XIAP: variants seen among roughly 807,000 people sequenced by gnomAD.
The protein encoded by XIAP is E3 ubiquitin-protein ligase XIAP.
Under a neutral mutation model 33.1 loss-of-function variants are expected in XIAP, and 3 were observed. The observed-to-expected ratio is 0.09, with a 90% CI of 0.04 to 0.23. The LOEUF (loss-of-function observed/expected upper bound fraction) is 0.23. XIAP is among the 10% of genes least tolerant of loss of function. The pLI is 1.00. For synonymous variants in XIAP, 98 were observed against 121.3 expected (o/e 0.81, Z 1.26); for missense variants, 264 against 363.0 (o/e 0.73, Z 2.22).
chrX:123,866,521 T>C (rs1311999026), intron 1 of XIAP, among the ~76,000 whole-genome samples: 2 of 88,446 alleles, frequency 2.3e-5, no homozygotes, highest in Admixed American at 2.7e-4. Context: ...ATATCATATA[T>C]AATATCAAAA....
At position 123,907,505 on chromosome X, in the gene XIAP, G is replaced by C; in HGVS notation, c.*324G>C. 3 of 382,756 alleles carry C rather than the reference G, an allele frequency of 7.8e-6. No individual in the cohort carries two copies. The highest frequency in any genetic ancestry group is 1.4e-5 in the Non-Finnish European group (3 of 210,606). 31.5% of individuals were successfully genotyped at this position (382,756 alleles called of 1,213,427 possible). On this transcript the variant is annotated 3_prime_UTR_variant, in exon 7 of 7. Coordinates refer to ENST00000371199, the MANE Select transcript of XIAP (RefSeq NM_001167.4). Reference sequence around the variant, plus strand: ...TAAGTGTAAGTGAATTAATCATCTGGATTTTTTATTCTTTTCAGATAGGCT... The same window carrying C: ...TAAGTGTAAGTGAATTAATCATCTGCATTTTTTATTCTTTTCAGATAGGCT...
Position 123,907,436 on chromosome X carries a change from A to G in XIAP, c.*255A>G, listed in dbSNP as rs773714281. 2.3e-6 allele frequency: 1 copy of G among 439,755 alleles called. No individual in the cohort carries two copies. Among genetic ancestry groups the G allele is most frequent in the African/African-American group, 2.4e-5 (1 of 41,407 alleles). The allele number at this position is 439,755 out of a possible 1,213,427, so 36.2% of individuals were successfully genotyped here. On this transcript the variant is annotated 3_prime_UTR_variant, in exon 7 of 7. Transcript: ENST00000371199. Reference sequence around the variant, plus strand: ...GACTAAGAATAAGAAGCATCATACTATAACTGAACACAATGTGTATTCATA... The same window carrying G: ...GACTAAGAATAAGAAGCATCATACTGTAACTGAACACAATGTGTATTCATA...
rs374298061 is a variant in XIAP, at chrX:123,886,161, T to C, written c.499T>C (p.Leu167=). The part of the protein sequence containing the change: ...NPAMYSEEAR[L]KSFQNWPDYA... ...TGCCATGTATAGTGAAGAAGCTAGA[T>C]TAAAGTCCTTTCAGAACTGGCCAGA... The change falls in exon 2 of 7, where the codon TTA becomes CTA. Residue 167 remains leucine, a synonymous_variant. Transcript: ENST00000371199. The C allele has an allele frequency of 5.4e-5, 65 of 1,210,088 alleles. No homozygotes were observed. Among genetic ancestry groups the C allele is most frequent in the Non-Finnish European group, 7.1e-5 (64 of 895,354 alleles).
rs1476371710 is a variant in XIAP, at chrX:123,913,631, G to A, written c.*6450G>A. The A allele has an allele frequency of 1.9e-5, 6 of 322,999 alleles. No homozygotes were observed. The highest frequency in any genetic ancestry group is 3.0e-5 in the Non-Finnish European group (5 of 168,486). 26.6% of individuals were successfully genotyped at this position (322,999 alleles called of 1,213,427 possible). A position where few individuals can be genotyped will look rare whatever the true frequency, so the allele number is the denominator to read the frequency against. On this transcript the variant is annotated 3_prime_UTR_variant, in exon 7 of 7. Coordinates refer to ENST00000371199, the MANE Select transcript of XIAP (RefSeq NM_001167.4). Reference sequence around the variant, plus strand: ...TGTAATATTTTAAATTACTATATATGTTACCATTTTTCTGGATTTAGTAAG... The same window carrying A: ...TGTAATATTTTAAATTACTATATATATTACCATTTTTCTGGATTTAGTAAG...
At chrX:123,884,966 A>G (rs958628893) in intron 1 of XIAP, among the ~76,000 whole-genome samples, 2 of 109,153 alleles carry the variant, frequency 1.8e-5, no homozygotes, top group African/African-American at 6.7e-5. Context: ...AGTAACAGCA[A>G]TTAAGGTTTG....
rs2053623574 is a variant in XIAP at position 123,913,305 on chromosome X, G to GTA, written c.*6125_*6126dup. On this transcript the variant is annotated 3_prime_UTR_variant, in exon 7 of 7. Transcript: ENST00000371199. ...TGGCCAACATGCTGAAACCCTGTCTGTACAAAAATACAAAAATAGCTGGGC... is the reference window on the plus strand; with the variant it reads ...TGGCCAACATGCTGAAACCCTGTCTGTATACAAAAATACAAAAATAGCTGGGC... 3.1e-6 allele frequency: 1 copy of GTA among 325,932 alleles called. No individual in the cohort carries two copies. Among genetic ancestry groups the GTA allele is most frequent in the Non-Finnish European group, 5.9e-6 (1 of 169,099 alleles). The allele number at this position is 325,932 out of a possible 1,213,427, so 26.9% of individuals were successfully genotyped here. A position where few individuals can be genotyped will look rare whatever the true frequency, so the allele number is the denominator to read the frequency against.
chrX:123,905,454 T>A (rs1410195191), intron 6 of XIAP, among the ~76,000 whole-genome samples: 2 of 111,699 alleles, frequency 1.8e-5, no homozygotes, highest in Non-Finnish European at 3.8e-5. Flanking sequence ...TTGTACCCAG[T>A]TTTAGGTATA....
intron 1 of XIAP, among the ~76,000 whole-genome samples, chrX:123,870,174 C>G (rs765873486): frequency 2.7e-5 from 3 of 112,697 alleles, no homozygotes; most frequent in African/African-American, 9.6e-5. Context: ...TTTGGCGAGG[C>G]TGGTCTCGAA....
chrX:123,872,331 G>A (rs1412893786), intron 1 of XIAP, among the ~76,000 whole-genome samples: 1 of 96,760 alleles, frequency 1.0e-5, no homozygotes, highest in Non-Finnish European at 2.1e-5. Context: ...TTTTTTTTTC[G>A]TCCTTTTTTT....
chrX:123,873,713 G>A (rs946010420), intron 1 of XIAP: 4 of 109,120 alleles, frequency 3.7e-5, no homozygotes, highest in Admixed American at 9.9e-5. Flanking sequence ...ATCACTTGAG[G>A]TGAGGAGTTT....
chrX:123,886,569 C>A (rs1224198936), intron 2 of XIAP, 30 bp downstream of exon 2: 3 of 1,195,386 alleles, frequency 2.5e-6, no homozygotes, highest in Non-Finnish European at 3.4e-6. Context: ...CAATAAATAG[C>A]TTCCCAAGTA....
intron 2 of XIAP, among the ~76,000 whole-genome samples, chrX:123,887,432 T>C (rs1484540627): frequency 8.9e-6 from 1 of 112,602 alleles, no homozygotes; most frequent in Admixed American, 9.5e-5. Flanking sequence ...TAAAAAGTTA[T>C]ACCATTATAT....
intron 6 of XIAP, among the ~76,000 whole-genome samples, chrX:123,905,075 T>C (rs780031018): frequency 8.9e-6 from 1 of 111,953 alleles, no homozygotes; most frequent in East Asian, 2.8e-4. Flanking sequence ...AAGAGGGTAC[T>C]TTTTAAGAAG....
intron 1 of XIAP, among the ~76,000 whole-genome samples, chrX:123,869,133 A>G (rs1185987383): frequency 1.8e-5 from 2 of 110,301 alleles, no homozygotes; most frequent in East Asian, 5.6e-4. Flanking sequence ...GGCTGCTGCC[A>G]TTGTGCATTC....
chrX:123,907,022 A>G lies in XIAP; in HGVS notation c.1335A>G (p.Gln445=), dbSNP rs1413466702. 1.7e-6 allele frequency: 2 copies of G among 1,210,324 alleles called. No homozygotes were observed. Among genetic ancestry groups the G allele is most frequent in the Non-Finnish European group, 2.2e-6 (2 of 895,300 alleles). Residue 445 remains glutamine (Q), a synonymous_variant, in exon 7 of 7, where the codon CAA becomes CAG. Coordinates refer to ENST00000371199, the MANE Select transcript of XIAP (RefSeq NM_001167.4). ...CTGAAGAGCAGCTAAGGCGCCTGCA[A>G]GAGGAGAAGCTTTGCAAAATCTGTA... The part of the protein sequence containing the change: ...ISTEEQLRRL[Q]EEKLCKICMD...
At chrX:123,895,920 C>A (rs1478830600) in intron 5 of XIAP, among the ~76,000 whole-genome samples, 6 of 110,193 alleles carry the variant, frequency 5.4e-5, no homozygotes, top group African/African-American at 2.0e-4. Flanking sequence ...CACCACCATA[C>A]CTGGCTAATT....
rs747177182 is a variant in XIAP at position 123,867,671 on chromosome X, C to CTTTT, written c.-33+7394_-33+7397dup. ...ACAGGTGTGAGCCCCCGTACCTGGCCTTTTTTTTTTTTTTTTTTTGAGACG... is the reference window on the plus strand; with the variant it reads ...ACAGGTGTGAGCCCCCGTACCTGGCCTTTTTTTTTTTTTTTTTTTTTTTGAGACG... On this transcript the variant is annotated intron_variant, in intron 1 of 6. Transcript: ENST00000371199. Among the ~76,000 whole-genome samples the CTTTT allele has an allele frequency of 7.5e-4, 50 of 66,885 alleles. 2 individuals are homozygous for CTTTT. Among genetic ancestry groups the CTTTT allele is most frequent in the Non-Finnish European group, 1.1e-3 (40 of 37,282 alleles). 58.1% of individuals were successfully genotyped at this position (66,885 alleles called of 115,157 possible). A position where few individuals can be genotyped will look rare whatever the true frequency, so the allele number is the denominator to read the frequency against.
At position 123,910,265 on chromosome X, in the gene XIAP, G is replaced by GAT; in HGVS notation, c.*3084_*3085insAT. ...CCTGTCCCTTTGATTACGGGCTAAG[G>GAT]TAGGGTAGAGTGGGTGTAGTGAGTG... On this transcript the variant is annotated 3_prime_UTR_variant, in exon 7 of 7. Transcript: ENST00000371199. 3.0e-6 allele frequency: 1 copy of GAT among 329,504 alleles called. No individual in the cohort carries two copies. The highest frequency in any genetic ancestry group is 3.1e-5 in the Admixed American group (1 of 32,184). 27.2% of individuals were successfully genotyped at this position (329,504 alleles called of 1,213,427 possible).
chrX:123,890,035 G>C (rs1425375730), intron 3 of XIAP, among the ~76,000 whole-genome samples: 1 of 19,094 alleles, frequency 5.2e-5, no homozygotes, highest in Non-Finnish European at 9.3e-5. Flanking sequence ...TTTTTTTTTT[G>C]AGACGGAGTC....
Sources: allele counts gnomAD v4.1 joint callset (sites outside exome capture counted in the v4.1 genomes callset), GRCh38; gene constraint gnomAD v4.1.1; transcripts MANE v1.5; gene names NCBI Gene and HGNC (gene_info 2026-07-23, HGNC 2026-07-21).